The following LIMK1 variants were observed in gnomAD, a reference collection of about 807,000 sequenced individuals.
LIMK1 encodes LIM domain kinase 1.
Under a neutral mutation model 77.6 loss-of-function variants are expected in LIMK1, and 21 were observed. The ratio of observed to expected loss-of-function variants is 0.27; its 90% CI spans 0.19 to 0.39. The LOEUF (loss-of-function observed/expected upper bound fraction) is 0.39, where lower values mean the gene tolerates loss of function less well. Among genes scored for constraint, LIMK1 ranks in the 10% least tolerant of loss-of-function variants. The pLI is 1.00. For missense variants in LIMK1, 696 were observed against 901.6 expected, an observed-to-expected ratio of 0.77 and a Z score of 2.92; for synonymous variants, 358 against 370.0, an observed-to-expected ratio of 0.97 and a Z score of 0.37.
chr7:74,120,817 C>G, intron 14 of LIMK1, 75 bp from the exon 15 acceptor site: 1 of 1,599,880 alleles, frequency 6.3e-7, no homozygotes, highest in Non-Finnish European at 8.6e-7. Context: ...CACCTGCCCT[C>G]AAACCACCTG....
intron 13 of LIMK1, among the ~76,000 whole-genome samples, chr7:74,117,160 C>T (rs1234439460): frequency 8.5e-5 from 13 of 152,088 alleles, no homozygotes; most frequent in Non-Finnish European, 1.2e-4. Context: ...GGATTACAGG[C>T]GTGAGCCACC....
In LIMK1 at chr7:74,111,702, G is replaced by A. The variant is rs1799702495; in HGVS notation, c.1339G>A (p.Gly447Arg). Residue 447 changes from glycine (G) to arginine (R), a missense_variant, in exon 11 of 16, where the codon GGG (glycine) becomes AGG (arginine). Physicochemically the swap from Gly to Arg is moderately radical, Grantham distance 125 (BLOSUM62 -2). Coordinates refer to ENST00000336180, the MANE Select transcript of LIMK1 (RefSeq NM_002314.4). ...RVSFAKDIAS[G>R]MAYLHSMNII... ...GAGCTTTGCCAAGGACATCGCATCA[G>A]GGATGGTGAGTGAGCCGGGTGCTCT... 6.2e-7 allele frequency: 1 copy of A among 1,613,022 alleles called. No individual in the cohort carries two copies. Among genetic ancestry groups the A allele is most frequent in the Non-Finnish European group, 8.5e-7 (1 of 1,179,480 alleles).
Position 74,091,954 on chromosome 7 carries a change from C to CTT in LIMK1, c.153-4640_153-4639dup, listed in dbSNP as rs35254348. ...GTGGAAGGTGCCGTTGGCTGTACAG[C>CTT]TTTTTTTTTTTTTTTTTTTTTTTTT... On this transcript the variant is annotated intron_variant, in intron 2 of 15. Transcript: ENST00000336180. Among the ~76,000 whole-genome samples, 98 of 80,646 alleles carry CTT rather than the reference C, an allele frequency of 1.2e-3. 1 individual carries two copies. The highest frequency in any genetic ancestry group is 0.014 in the Middle Eastern group (2 of 146). The allele number at this position is 80,646 out of a possible 152,430, so 52.9% of individuals were successfully genotyped here. A position where few individuals can be genotyped will look rare whatever the true frequency, so the allele number is the denominator to read the frequency against.
chr7:74,107,093 A>T lies in LIMK1; in HGVS notation c.965A>T (p.Glu322Val). ...ASQRKDLGRSESLRVVCRPHR... is the reference protein window; with the variant it reads ...ASQRKDLGRSVSLRVVCRPHR... Reference sequence around the variant, plus strand: ...CAGCGCAAGGACCTGGGTCGCTCTGAGTCCCTCCGCGTAGTCTGCCGGCCA... The same window carrying T: ...CAGCGCAAGGACCTGGGTCGCTCTGTGTCCCTCCGCGTAGTCTGCCGGCCA... The change falls in exon 8 of 16, where the codon GAG becomes GTG. Residue 322 changes from glutamate (E) to valine (V), a missense_variant. By Grantham distance (121) the Glu-to-Val change is moderately radical (BLOSUM62 -2). Transcript: ENST00000336180. 1 of 1,611,820 alleles carries T rather than the reference A, an allele frequency of 6.2e-7. No homozygotes were observed. The highest frequency in any genetic ancestry group is 8.5e-7 in the Non-Finnish European group (1 of 1,179,556).
At chr7:74,095,658 C>T (rs1318292746) in intron 2 of LIMK1, among the ~76,000 whole-genome samples, 4 of 152,228 alleles carry the variant, frequency 2.6e-5, no homozygotes, top group Admixed American at 6.5e-5. Flanking sequence ...CTCCCACCTT[C>T]GCCTCCTGAA....
Position 74,121,248 on chromosome 7 carries a change from A to G in LIMK1, c.1891A>G (p.Thr631Ala), listed in dbSNP as rs782588250. Residue 631 changes from threonine to alanine, a missense_variant, in exon 16 of 16, where the codon ACC becomes GCC. Thr to Ala is a moderately conservative substitution (Grantham distance 58). Coordinates refer to ENST00000336180, the MANE Select transcript of LIMK1 (RefSeq NM_002314.4). ...LEQLDRGFWETYRRGESGLPA... is the reference protein window; with the variant it reads ...LEQLDRGFWEAYRRGESGLPA... ...GCAGCTGGACAGAGGTTTCTGGGAGACCTACCGGCGCGGCGAGAGCGGACT... is the reference window on the plus strand; with the variant it reads ...GCAGCTGGACAGAGGTTTCTGGGAGGCCTACCGGCGCGGCGAGAGCGGACT... 61 of 1,613,108 alleles carry G rather than the reference A, an allele frequency of 3.8e-5. No homozygotes were observed. The East Asian group carries it at 1.4e-3, about 36-fold the overall frequency.
intron 9 of LIMK1, among the ~76,000 whole-genome samples, chr7:74,108,411 G>A (rs182757015): frequency 3.4e-4 from 52 of 152,202 alleles, no homozygotes; most frequent in Non-Finnish European, 5.0e-4. Context: ...TTGGGAGGCT[G>A]AGCCGGGCGG....
At chr7:74,096,596 G>C in intron 2 of LIMK1, 26 bp from the exon 3 acceptor site, 3 of 1,613,660 alleles carry the variant, frequency 1.9e-6, no homozygotes. Flanking sequence ...GGGAGTGGAC[G>C]TCTCAGCCCG....
chr7:74,095,047 C>T (rs372371272), intron 2 of LIMK1, among the ~76,000 whole-genome samples: 1 of 152,212 alleles, frequency 6.6e-6, no homozygotes, highest in Non-Finnish European at 1.5e-5. Context: ...CTGCTGAACT[C>T]CCCTCCTCAA....
chr7:74,099,261 C>T, intron 5 of LIMK1, 23 bp downstream of exon 5: 1 of 1,598,492 alleles, frequency 6.3e-7, no homozygotes, highest in Non-Finnish European at 8.5e-7. Context: ...CCTGCCGAGG[C>T]TGCCGTCGGT....
chr7:74,119,213 T>C (rs782804685), intron 13 of LIMK1, among the ~76,000 whole-genome samples: 1 of 143,756 alleles, frequency 7.0e-6, no homozygotes, highest in Non-Finnish European at 1.5e-5. Flanking sequence ...GAGTCTTGCA[T>C]TGTCACCCAG....
intron 2 of LIMK1, chr7:74,093,164 G>A: frequency 6.6e-7 from 1 of 1,515,320 alleles, no homozygotes; most frequent in Non-Finnish European, 8.8e-7. Context: ...CCAATCCTGA[G>A]CCCCTGAGGG....
At chr7:74,111,898 C>G (rs781911545) in intron 11 of LIMK1, 35 bp from the exon 12 acceptor site, 2 of 1,588,798 alleles carry the variant, frequency 1.3e-6, no homozygotes, top group Admixed American at 3.3e-5. Context: ...TCCCTCTGCA[C>G]AGCTGCCCCC....
At chr7:74,099,368 C>A in intron 5 of LIMK1, 130 bp downstream of exon 5, 1 of 858,082 alleles carries the variant, frequency 1.2e-6, no homozygotes. Flanking sequence ...CCAGTTCTGA[C>A]AACCTGGTTT....
chr7:74,087,595 GT>G (rs1192474191), intron 2 of LIMK1, among the ~76,000 whole-genome samples: 4 of 151,972 alleles, frequency 2.6e-5, no homozygotes, highest in Non-Finnish European at 5.9e-5. Flanking sequence ...TTATTTTTTG[GT>G]TTTTGGTTTT....
At chr7:74,105,743 T>C in intron 5 of LIMK1, 132 bp from the exon 6 acceptor site, 1 of 625,322 alleles carries the variant, frequency 1.6e-6, no homozygotes, top group Admixed American at 2.7e-5. Flanking sequence ...GTTCTGGCCA[T>C]CTGCTACTTC....
At position 74,088,076 on chromosome 7, in the gene LIMK1, G is replaced by GT. The variant is rs1164335542; in HGVS notation, c.152+2238dup. 2.6e-5 allele frequency among the ~76,000 whole-genome samples: 4 copies of GT among 152,078 alleles called. No individual in the cohort carries two copies. The East Asian group carries it at 7.7e-4, about 29-fold the overall frequency. On this transcript the variant is annotated intron_variant, in intron 2 of 15. Transcript: ENST00000336180. ...AAGCATAAGCCACCATGCCCAGCCT[G>GT]TTTTTTCTTTTTTAGGAATAACGTC... is the stretch of plus-strand genomic sequence containing the variant.
chr7:74,102,502 T>TTTTTTG, intron 5 of LIMK1, among the ~76,000 whole-genome samples: 1 of 141,690 alleles, frequency 7.1e-6, no homozygotes, highest in Admixed American at 7.5e-5. Flanking sequence ...TTTTTTTTTT[T>TTTTTTG]GGAGACAGGG....
At chr7:74,120,236 CT>C (rs1799902584) in intron 13 of LIMK1, among the ~76,000 whole-genome samples, 1 of 152,228 alleles carries the variant, frequency 6.6e-6, no homozygotes, top group African/African-American at 2.4e-5. Flanking sequence ...GCAAAAGACC[CT>C]TTTTCTGACC....
Sources: allele counts gnomAD v4.1 joint callset (sites outside exome capture counted in the v4.1 genomes callset), GRCh38; gene constraint gnomAD v4.1.1; transcripts MANE v1.5; gene names NCBI Gene and HGNC (gene_info 2026-07-23, HGNC 2026-07-21).